Variants in LOC128462377 observed in about 807,000 individuals in gnomAD.
At chr16:89,409,115 G>A in the LOC128462377 span, among the ~76,000 whole-genome samples, 2 of 152,178 alleles carry the variant, frequency 1.3e-5, no homozygotes, top group Admixed American at 1.3e-4. Context: ...GTGAGCCCTG[G>A]GGCCAGGTAT....
chr16:89,396,652 A>G, the LOC128462377 span, among the ~76,000 whole-genome samples: 6 of 152,214 alleles, frequency 3.9e-5, no homozygotes, highest in East Asian at 1.9e-4. Context: ...GGTTTGTACA[A>G]TTTTAAGGAA....
At chr16:89,364,981 G>A in the LOC128462377 span, among the ~76,000 whole-genome samples, 2 of 152,184 alleles carry the variant, frequency 1.3e-5, no homozygotes, top group African/African-American at 4.8e-5. Context: ...TTTTGGCATG[G>A]AAATCACATT....
the LOC128462377 span, among the ~76,000 whole-genome samples, chr16:89,351,851 A>G: frequency 6.6e-6 from 1 of 152,034 alleles, no homozygotes. Context: ...TACACTAACA[A>G]CCTTTGAACT....
chr16:89,324,547 G>A, the LOC128462377 span: 3 of 455,854 alleles, frequency 6.6e-6, no homozygotes, highest in South Asian at 3.1e-5. Flanking sequence ...GTCAGTGGAC[G>A]GGGAGAGGCC....
chr16:89,414,560 G>C, the LOC128462377 span, among the ~76,000 whole-genome samples: 1 of 152,224 alleles, frequency 6.6e-6, no homozygotes, highest in African/African-American at 2.4e-5. Context: ...TTTTGTTTCT[G>C]TAAAGTGTTA....
chr16:89,345,024 G>C, the LOC128462377 span, among the ~76,000 whole-genome samples: 9 of 152,262 alleles, frequency 5.9e-5, no homozygotes, highest in African/African-American at 2.2e-4. Context: ...CAGGAGGAAC[G>C]GCAAGGCCAA....
At chr16:89,355,012 A>T in the LOC128462377 span, among the ~76,000 whole-genome samples, 1 of 152,220 alleles carries the variant, frequency 6.6e-6, no homozygotes, top group South Asian at 2.1e-4. Flanking sequence ...TCACATGCTG[A>T]AGACCCACCA....
the LOC128462377 span, among the ~76,000 whole-genome samples, chr16:89,382,395 G>A: frequency 6.6e-5 from 10 of 151,840 alleles, no homozygotes; most frequent in Admixed American, 4.6e-4. Flanking sequence ...GTGCAATCTC[G>A]GCTCACTGCC....
the LOC128462377 span, among the ~76,000 whole-genome samples, chr16:89,348,771 T>C: frequency 6.6e-6 from 1 of 151,962 alleles, no homozygotes; most frequent in Non-Finnish European, 1.5e-5. Flanking sequence ...TGAATGGCTA[T>C]AAGATCACAG....
At chr16:89,395,874 C>T in the LOC128462377 span, 1 of 152,204 alleles carries the variant, frequency 6.6e-6, no homozygotes, top group Non-Finnish European at 1.5e-5. Flanking sequence ...TGTTTCAACG[C>T]ACTACGTCCC....
At chr16:89,411,300 C>T in the LOC128462377 span, among the ~76,000 whole-genome samples, 1 of 138,884 alleles carries the variant, frequency 7.2e-6, no homozygotes, top group African/African-American at 2.9e-5. Context: ...CAGCAGCCAG[C>T]ACTGCCTTCA....
At chr16:89,372,817 T>G in the LOC128462377 span, 286 of 152,290 alleles carry the variant, frequency 1.9e-3, no homozygotes, top group African/African-American at 6.4e-3. Flanking sequence ...AGCCACCCTG[T>G]GGCAGGGACT....
the LOC128462377 span, among the ~76,000 whole-genome samples, chr16:89,397,821 C>T: frequency 6.6e-6 from 1 of 152,228 alleles, no homozygotes; most frequent in Non-Finnish European, 1.5e-5. Flanking sequence ...CAGGGACAAG[C>T]GGCCCGTGCC....
the LOC128462377 span, among the ~76,000 whole-genome samples, chr16:89,351,055 C>A: frequency 2.6e-5 from 4 of 152,158 alleles, no homozygotes; most frequent in Non-Finnish European, 5.9e-5. Context: ...ATGCATCCCC[C>A]GACCGCTATT....
chr16:89,378,293 G>A, the LOC128462377 span, among the ~76,000 whole-genome samples: 17 of 152,116 alleles, frequency 1.1e-4, no homozygotes, highest in Non-Finnish European at 2.4e-4. Context: ...TTAAATACTC[G>A]GGGTATAAAA....
the LOC128462377 span, among the ~76,000 whole-genome samples, chr16:89,388,667 C>G: frequency 1.3e-5 from 2 of 152,144 alleles, no homozygotes; most frequent in Non-Finnish European, 2.9e-5. Context: ...CTGCGATGAG[C>G]CGGGGACCCC....
the LOC128462377 span, among the ~76,000 whole-genome samples, chr16:89,371,550 G>T: frequency 6.6e-6 from 1 of 152,158 alleles, no homozygotes; most frequent in African/African-American, 2.4e-5. Context: ...GACCAGCTCA[G>T]ATTCCGCCAT....
chr16:89,326,924 G>A, the LOC128462377 span, among the ~76,000 whole-genome samples: 1 of 152,218 alleles, frequency 6.6e-6, no homozygotes, highest in Non-Finnish European at 1.5e-5. Context: ...AGGTTCCACA[G>A]ACACACGACC....
chr16:89,390,881 G>A, the LOC128462377 span, among the ~76,000 whole-genome samples: 3 of 152,134 alleles, frequency 2.0e-5, no homozygotes, highest in Non-Finnish European at 2.9e-5. Context: ...TCCTTTCCAC[G>A]ACACTGGTGA....
Sources: gnomAD v4.1 joint callset for allele counts (sites outside exome capture counted in the v4.1 genomes callset) on GRCh38, gnomAD v4.1.1 for gene constraint, MANE v1.5 for transcripts.